Variants in F13A1 observed in about 807,000 individuals in gnomAD.
F13A1 encodes the protein FSF, A subunit.
In F13A1, 47 loss-of-function variants were observed where a neutral mutation model predicts 80.1. The observed-to-expected ratio is 0.59, with a 90% CI of 0.46 to 0.75. The LOEUF (loss-of-function observed/expected upper bound fraction) is 0.75. F13A1 is among the 30% of genes least tolerant of loss of function. The pLI is 0.00. For missense variants in F13A1, 817 were observed against 930.4 expected, an observed-to-expected ratio of 0.88 and a Z score of 1.59; for synonymous variants, 349 against 344.9, an observed-to-expected ratio of 1.01 and a Z score of -0.13.
chr6:6,265,242 G>A (rs1757828442), intron 4 of F13A1, among the ~76,000 whole-genome samples: 1 of 152,148 alleles, frequency 6.6e-6, no homozygotes, highest in South Asian at 2.1e-4. Flanking sequence ...TCACATACAA[G>A]GATCATTCAA....
At chr6:6,313,425 A>T (rs558014610) in intron 2 of F13A1, among the ~76,000 whole-genome samples, 1 of 151,678 alleles carries the variant, frequency 6.6e-6, no homozygotes, top group African/African-American at 2.4e-5. Context: ...AAAAGAAAAA[A>T]ATCTCCGGAG....
chr6:6,224,408 T>C (rs760071486), intron 7 of F13A1, among the ~76,000 whole-genome samples: 12 of 152,318 alleles, frequency 7.9e-5, no homozygotes, highest in Non-Finnish European at 1.8e-4. Context: ...TTCTCTATAT[T>C]TTTACTGTAA....
intron 3 of F13A1, among the ~76,000 whole-genome samples, chr6:6,292,045 T>C (rs1176890420): frequency 2.0e-5 from 3 of 152,162 alleles, no homozygotes; most frequent in Non-Finnish European, 2.9e-5. Context: ...TGGGTCCAAA[T>C]TGAGGTCCCA....
At chr6:6,214,229 T>C (rs1307621578) in intron 8 of F13A1, among the ~76,000 whole-genome samples, 2 of 150,126 alleles carry the variant, frequency 1.3e-5, no homozygotes, top group Admixed American at 6.6e-5. Context: ...AATATACATT[T>C]TTTTCAGCAC....
chr6:6,155,235 A>C (rs1180176243), intron 13 of F13A1, among the ~76,000 whole-genome samples: 1 of 152,218 alleles, frequency 6.6e-6, no homozygotes, highest in Non-Finnish European at 1.5e-5. Flanking sequence ...GATGACAGTG[A>C]GAAGGAATGC....
At chr6:6,257,297 C>A (rs1429212901) in intron 4 of F13A1, among the ~76,000 whole-genome samples, 1 of 152,152 alleles carries the variant, frequency 6.6e-6, no homozygotes, top group Non-Finnish European at 1.5e-5. Flanking sequence ...CCAGGAGTAA[C>A]TTCCTGTCGG....
At chr6:6,214,295 C>T (rs191266104) in intron 8 of F13A1, among the ~76,000 whole-genome samples, 1 of 151,990 alleles carries the variant, frequency 6.6e-6, no homozygotes, top group East Asian at 1.9e-4. Context: ...CCCTCCTCAG[C>T]AAATGTAAAA....
chr6:6,255,813 G>C (rs993976810), intron 4 of F13A1, among the ~76,000 whole-genome samples: 1 of 152,140 alleles, frequency 6.6e-6, no homozygotes, highest in Admixed American at 6.5e-5. Context: ...GGGAAGGCTC[G>C]ATTTTAATTT....
chr6:6,179,276 C>T (rs149115489), intron 11 of F13A1, among the ~76,000 whole-genome samples: 1 of 152,064 alleles, frequency 6.6e-6, no homozygotes, highest in South Asian at 2.1e-4. Flanking sequence ...AAAGTCTTAT[C>T]GTTTCTTAAT....
chr6:6,183,974 T>C (rs58166413), intron 10 of F13A1, among the ~76,000 whole-genome samples: 1 of 152,294 alleles, frequency 6.6e-6, no homozygotes, highest in African/African-American at 2.4e-5. Context: ...CATCATTAGG[T>C]AATGGGGAAA....
intron 3 of F13A1, among the ~76,000 whole-genome samples, chr6:6,304,220 TG>T (rs1024836163): frequency 1.5e-5 from 2 of 137,702 alleles, no homozygotes; most frequent in African/African-American, 5.0e-5. Context: ...ATCATTGAGG[TG>T]TTTTTTTTCT....
In F13A1 at chr6:6,286,423, G is replaced by A. The variant is rs188071074; in HGVS notation, c.319+18928C>T. Reference sequence around the variant, plus strand: ...AAAAACCCTAAGTCAAAGTCAAACTGTACACTTGTCTTTCAAGTTACCCAC... The same window carrying A: ...AAAAACCCTAAGTCAAAGTCAAACTATACACTTGTCTTTCAAGTTACCCAC... On this transcript the variant is annotated intron_variant, in intron 3 of 14. Coordinates refer to ENST00000264870, the MANE Select transcript of F13A1 (RefSeq NM_000129.4). Among the ~76,000 whole-genome samples, 179 of 152,262 alleles carry A rather than the reference G, an allele frequency of 1.2e-3. 1 individual carries two copies. The highest frequency in any genetic ancestry group is 4.2e-3 in the African/African-American group (175 of 41,548).
Position 6,180,299 on chromosome 6 carries a change from T to G in F13A1, c.1459+1689A>C, listed in dbSNP as rs576449120. 2.7e-3 allele frequency among the ~76,000 whole-genome samples: 414 copies of G among 152,326 alleles called. 4 individuals carry two copies. The highest frequency in any genetic ancestry group is 9.8e-3 in the African/African-American group (407 of 41,578). ...AACTGCCGATTCTTGGCTGAGAGCC[T>G]TTCTCTGTGCCCGGCAGCACCCGTC... On this transcript the variant is annotated intron_variant, in intron 11 of 14. Transcript: ENST00000264870.
In F13A1 at chr6:6,230,103, T is replaced by C. The variant is rs777952780; in HGVS notation, c.799-5243A>G. 9.2e-5 allele frequency among the ~76,000 whole-genome samples: 14 copies of C among 152,176 alleles called. No individual in the cohort carries two copies. The Middle Eastern group carries it at 0.01, about 111-fold the overall frequency. ...GGGTGAGAAGCCTCCTGGCCAAAAC[T>C]TGGGGGAGGGTGCAAATCCGGTGTG... On this transcript the variant is annotated intron_variant, in intron 6 of 14. Coordinates refer to ENST00000264870, the MANE Select transcript of F13A1 (RefSeq NM_000129.4).
chr6:6,149,838 G>T (rs1420245580), intron 14 of F13A1, among the ~76,000 whole-genome samples: 2 of 152,312 alleles, frequency 1.3e-5, no homozygotes, highest in Admixed American at 6.5e-5. Context: ...TTAAGCCAGT[G>T]TGTGGGCAGG....
Position 6,239,331 on chromosome 6 carries a change from C to T in F13A1, c.798+8981G>A, listed in dbSNP as rs539805152. ...GCTACCTAATGAGGTGGGGATTGAC[C>T]GGAAGAAGCACGAGGGAAACTTCTG... On this transcript the variant is annotated intron_variant, in intron 6 of 14. Coordinates refer to ENST00000264870, the MANE Select transcript of F13A1 (RefSeq NM_000129.4). Among the ~76,000 whole-genome samples the T allele has an allele frequency of 1.7e-3, 263 of 152,012 alleles. 1 individual carries two copies. The highest frequency in any genetic ancestry group is 6.2e-3 in the African/African-American group (257 of 41,448).
chr6:6,204,636 C>A (rs1232452861), intron 8 of F13A1, among the ~76,000 whole-genome samples: 4 of 151,976 alleles, frequency 2.6e-5, no homozygotes, highest in African/African-American at 4.8e-5. Flanking sequence ...GAAGTGGGAA[C>A]AATTTGGTGG....
intron 8 of F13A1, among the ~76,000 whole-genome samples, chr6:6,220,569 G>C (rs1177668172): frequency 6.7e-6 from 1 of 149,108 alleles, no homozygotes; most frequent in African/African-American, 2.5e-5. Context: ...GTGTCTGTCT[G>C]TGTGTGTGTG....
chr6:6,168,643 T>C (rs985652783), intron 12 of F13A1, among the ~76,000 whole-genome samples: 6 of 152,244 alleles, frequency 3.9e-5, no homozygotes, highest in African/African-American at 1.4e-4. Context: ...CTTCTCAGTT[T>C]CTGGCTTTTG....
Sources: allele counts gnomAD v4.1 joint callset (sites outside exome capture counted in the v4.1 genomes callset), GRCh38; gene constraint gnomAD v4.1.1; transcripts MANE v1.5; gene names NCBI Gene and HGNC (gene_info 2026-07-23, HGNC 2026-07-21).